Variants in HFM1 observed in about 807,000 individuals in gnomAD.
HFM1 encodes helicase for meiosis 1, also known as probable ATP-dependent DNA helicase HFM1.
A neutral mutation model predicts 192.1 loss-of-function variants in HFM1; 169 were observed. That is an observed-to-expected ratio of 0.88 (90% CI 0.78 to 1.00). HFM1 has a LOEUF of 1.00. Among genes scored for constraint, HFM1 ranks in the 50% least tolerant of loss-of-function variants. The pLI, the probability that HFM1 is intolerant of heterozygous loss-of-function variation, is 0.00. For synonymous variants in HFM1, 525 were observed against 537.8 expected (o/e 0.98, Z 0.33); for missense variants, 1,661 against 1,668.0 (o/e 1.00, Z 0.07).
intron 2 of HFM1, among the ~76,000 whole-genome samples, chr1:91,400,316 C>CA (rs1664159103): frequency 6.6e-6 from 1 of 152,096 alleles, no homozygotes. Flanking sequence ...TTTAATGTGC[C>CA]TATCATACTT....
intron 30 of HFM1, among the ~76,000 whole-genome samples, chr1:91,286,964 A>C (rs1211712881): frequency 2.4e-4 from 35 of 146,502 alleles, no homozygotes; most frequent in Admixed American, 4.1e-4. Context: ...GGCTTAAAAA[A>C]CGGCGCACCA....
intron 2 of HFM1, among the ~76,000 whole-genome samples, chr1:91,400,031 T>C (rs950105257): frequency 1.3e-5 from 2 of 152,228 alleles, no homozygotes; most frequent in Non-Finnish European, 1.5e-5. Context: ...TCTCTTCAAC[T>C]AGATTTTAAG....
chr1:91,307,898 G>C (rs1649878329), intron 30 of HFM1, among the ~76,000 whole-genome samples: 1 of 151,562 alleles, frequency 6.6e-6, no homozygotes. Flanking sequence ...TTTCCACTGG[G>C]CAGAAACCTA....
rs556017528 is a variant in HFM1 at position 91,381,613 on chromosome 1, T to C, written c.803-631A>G. Reference sequence around the variant, plus strand: ...GTCCCCTCTCCAAGGTGAGGGTCTATTGACAGATTGGGAGATATCTGTATT... The same window carrying C: ...GTCCCCTCTCCAAGGTGAGGGTCTACTGACAGATTGGGAGATATCTGTATT... On this transcript the variant is annotated intron_variant, in intron 6 of 38. Transcript: ENST00000370425. 2.0e-5 allele frequency among the ~76,000 whole-genome samples: 3 copies of C among 152,304 alleles called. No individual in the cohort carries two copies. In the East Asian group the frequency reaches 5.8e-4, roughly 29 times the overall value.
At chr1:91,296,888 T>C (rs558614319) in intron 30 of HFM1, among the ~76,000 whole-genome samples, 1 of 152,316 alleles carries the variant, frequency 6.6e-6, no homozygotes, top group East Asian at 1.9e-4. Context: ...AGGTGATTTC[T>C]GCATTTCTAA....
At chr1:91,341,828 A>G (rs1400848642) in intron 20 of HFM1, among the ~76,000 whole-genome samples, 1 of 152,070 alleles carries the variant, frequency 6.6e-6, no homozygotes, top group African/African-American at 2.4e-5. Context: ...CACACAAACT[A>G]GAAAACCTAG....
At chr1:91,308,612 A>G (rs548417922) in intron 30 of HFM1, among the ~76,000 whole-genome samples, 1 of 152,280 alleles carries the variant, frequency 6.6e-6, no homozygotes, top group East Asian at 1.9e-4. Flanking sequence ...ATCATAGTGC[A>G]CTACAGCCTC....
chr1:91,378,227 A>C (rs1211294343), intron 10 of HFM1, 44 bp from the exon 11 acceptor site: 1 of 1,400,662 alleles, frequency 7.1e-7, no homozygotes, highest in Non-Finnish European at 9.7e-7. Flanking sequence ...TAGAATTAAA[A>C]ATACATTTAA....
At chr1:91,294,254 A>G (rs1334236687) in intron 30 of HFM1, among the ~76,000 whole-genome samples, 1 of 152,156 alleles carries the variant, frequency 6.6e-6, no homozygotes, top group Non-Finnish European at 1.5e-5. Flanking sequence ...AGAAGGAAAA[A>G]AAAAAGATCA....
At position 91,343,487 on chromosome 1, in the gene HFM1, C is replaced by A; in HGVS notation, c.2278G>T (p.Asp760Tyr). ...LQELCLKNLNDLSSLDLIKMD... is the reference protein window; with the variant it reads ...LQELCLKNLNYLSSLDLIKMD... ...TTTATTAAGTCCAGGGATGATAAAT[C>A]ATTCAGATTCTTCAAACATAATTCT... is the stretch of plus-strand genomic sequence containing the variant. Residue 760 changes from aspartate (D) to tyrosine (Y), a missense_variant, in exon 20 of 39, where the codon GAT becomes TAT. Asp to Tyr is a radical substitution (Grantham distance 160). Coordinates refer to ENST00000370425, the MANE Select transcript of HFM1 (RefSeq NM_001017975.6). 1.4e-6 allele frequency: 2 copies of A among 1,409,676 alleles called. No individual in the cohort carries two copies. Among genetic ancestry groups the A allele is most frequent in the South Asian group, 2.8e-5 (2 of 71,684 alleles). 87.3% of individuals were successfully genotyped at this position (1,409,676 alleles called of 1,614,324 possible).
At chr1:91,349,484 GTC>G (rs901884182) in intron 18 of HFM1, among the ~76,000 whole-genome samples, 434 of 152,004 alleles carry the variant, frequency 2.9e-3, no homozygotes, top group African/African-American at 9.4e-3. Flanking sequence ...CTCTGTCTCT[GTC>G]TCTCTCTCTC....
At chr1:91,358,702 G>A (rs1378529414) in intron 13 of HFM1, among the ~76,000 whole-genome samples, 1 of 152,132 alleles carries the variant, frequency 6.6e-6, no homozygotes, top group Admixed American at 6.5e-5. Flanking sequence ...AGAGAACATA[G>A]GGCAAAGCAC....
chr1:91,362,343 A>C (rs1658625434), intron 13 of HFM1, among the ~76,000 whole-genome samples: 1 of 152,204 alleles, frequency 6.6e-6, no homozygotes, highest in Admixed American at 6.5e-5. Flanking sequence ...ATTTCAGCAA[A>C]GTCTCAGGAT....
chr1:91,265,205 C>T (rs1342484799), intron 36 of HFM1, among the ~76,000 whole-genome samples: 1 of 152,124 alleles, frequency 6.6e-6, no homozygotes, highest in Admixed American at 6.5e-5. Flanking sequence ...TCACTGCCTA[C>T]CATACAGGTA....
chr1:91,387,773 G>A (rs1203960648), intron 4 of HFM1, among the ~76,000 whole-genome samples: 1 of 132,050 alleles, frequency 7.6e-6, no homozygotes, highest in African/African-American at 2.8e-5. Flanking sequence ...TGGTGGGGTC[G>A]GGGGAGGGGG....
rs767586874 is a variant in HFM1, at chr1:91,343,418, A to G, written c.2335+12T>C. ...ACAATTGCTAAATTTACTGACAATG[A>G]TAAGAAATTACCAGTTGGTTTGAAA... On this transcript the variant is annotated intron_variant, in intron 20 of 38. Coordinates refer to ENST00000370425, the MANE Select transcript of HFM1 (RefSeq NM_001017975.6). 43 of 1,265,392 alleles carry G rather than the reference A, an allele frequency of 3.4e-5. No individual in the cohort carries two copies. The highest frequency in any genetic ancestry group is 4.5e-5 in the Non-Finnish European group (40 of 896,212). The allele number at this position is 1,265,392 out of a possible 1,614,324, so 78.4% of individuals were successfully genotyped here. A position where few individuals can be genotyped will look rare whatever the true frequency, so the allele number is the denominator to read the frequency against.
chr1:91,287,302 A>G (rs1428376530), intron 30 of HFM1, among the ~76,000 whole-genome samples: 2 of 152,230 alleles, frequency 1.3e-5, no homozygotes. Context: ...CCCAGCATGC[A>G]GCTGGAGATC....
At chr1:91,262,089 T>C in intron 38 of HFM1, 152 bp downstream of exon 38, 1 of 435,062 alleles carries the variant, frequency 2.3e-6, no homozygotes. Context: ...CTTAAAGAGC[T>C]TAGCTCACTG....
At chr1:91,372,432 T>C (rs1186456329) in intron 13 of HFM1, among the ~76,000 whole-genome samples, 1 of 152,226 alleles carries the variant, frequency 6.6e-6, no homozygotes, top group Non-Finnish European at 1.5e-5. Flanking sequence ...GTTATGTCCT[T>C]TGTAGGGACA....
Sources: gnomAD v4.1 joint callset for allele counts (sites outside exome capture counted in the v4.1 genomes callset) on GRCh38, gnomAD v4.1.1 for gene constraint, MANE v1.5 for transcripts, NCBI Gene and HGNC (gene_info 2026-07-23, HGNC 2026-07-21) for gene names.